Variants in RORA observed in about 807,000 individuals in gnomAD.
RORA encodes the protein nuclear receptor ROR-alpha.
Under a neutral mutation model 69.5 loss-of-function variants are expected in RORA, and 7 were observed. That is an observed-to-expected ratio of 0.10 (90% CI 0.06 to 0.19). The LOEUF (loss-of-function observed/expected upper bound fraction) is 0.19. Ranked by LOEUF, RORA falls within the 10% of genes least tolerant of loss-of-function variation. The pLI is 1.00. For synonymous variants in RORA, 261 were observed against 240.8 expected, an observed-to-expected ratio of 1.08 and a Z score of -0.78; for missense variants, 457 against 663.0, an observed-to-expected ratio of 0.69 and a Z score of 3.41.
Position 60,528,907 on chromosome 15 carries a change from C to G in RORA, c.282+2859G>C, listed in dbSNP as rs576324477. ...GAGCTGGGATTTCAACTCGGGCAGT[C>G]TGGTTCCAGAGTCAGAGCAGAAGCA... On this transcript the variant is annotated intron_variant, in intron 3 of 10. Transcript: ENST00000335670. 10 of 152,320 alleles carry G rather than the reference C, an allele frequency of 6.6e-5. No homozygotes were observed. The East Asian group carries it at 1.9e-3, about 29-fold the overall frequency. The allele number at this position is 152,320 out of a possible 1,614,324, so 9.4% of individuals were successfully genotyped here.
chr15:60,709,014 C>G (rs1362160855), intron 1 of RORA, among the ~76,000 whole-genome samples: 2 of 152,150 alleles, frequency 1.3e-5, no homozygotes, highest in African/African-American at 2.4e-5. Context: ...CATTCCTATC[C>G]TAGGGAAGCT....
intron 1 of RORA, among the ~76,000 whole-genome samples, chr15:61,089,457 T>C (rs574310982): frequency 3.9e-5 from 6 of 152,212 alleles, no homozygotes; most frequent in African/African-American, 1.4e-4. Flanking sequence ...CAAACATGCA[T>C]ATATATACAC....
chr15:60,599,171 T>A (rs58966091), intron 2 of RORA, among the ~76,000 whole-genome samples: 22,661 of 152,210 alleles, frequency 0.15, 1,937 homozygotes, highest in East Asian at 0.31. Context: ...ATGAAGGATA[T>A]TTGAGCTAGA....
chr15:61,015,590 T>C (rs1019794678), intron 1 of RORA, among the ~76,000 whole-genome samples: 1 of 152,202 alleles, frequency 6.6e-6, no homozygotes, highest in Non-Finnish European at 1.5e-5. Flanking sequence ...AGACGCTGTA[T>C]TGAGAAGCGT....
At chr15:61,022,702 A>G (rs1319270493) in intron 1 of RORA, among the ~76,000 whole-genome samples, 1 of 152,204 alleles carries the variant, frequency 6.6e-6, no homozygotes, top group Non-Finnish European at 1.5e-5. Context: ...CAAAGAGTGT[A>G]CAGATTTAAG....
intron 1 of RORA, among the ~76,000 whole-genome samples, chr15:60,798,193 C>T (rs561778052): frequency 4.0e-5 from 6 of 150,144 alleles, no homozygotes; most frequent in Admixed American, 2.0e-4. Flanking sequence ...AAGCTTTCCT[C>T]CACCCCTTCC....
At chr15:60,985,934 T>C (rs191338392) in intron 1 of RORA, among the ~76,000 whole-genome samples, 130 of 152,276 alleles carry the variant, frequency 8.5e-4, no homozygotes, top group South Asian at 2.7e-3. Flanking sequence ...TATCTGAAGA[T>C]TTAAATTAAA....
At chr15:61,007,763 T>C (rs1290339753) in intron 1 of RORA, among the ~76,000 whole-genome samples, 1 of 148,256 alleles carries the variant, frequency 6.7e-6, no homozygotes, top group East Asian at 2.0e-4. Context: ...TTATATATTA[T>C]ATATAACATT....
At chr15:60,941,078 T>C (rs553172689) in intron 1 of RORA, among the ~76,000 whole-genome samples, 8 of 152,316 alleles carry the variant, frequency 5.3e-5, no homozygotes, top group Non-Finnish European at 8.8e-5. Context: ...TTATACTCAT[T>C]AGACAAAATC....
chr15:60,786,035 A>T (rs912314433), intron 1 of RORA, among the ~76,000 whole-genome samples: 2 of 152,210 alleles, frequency 1.3e-5, no homozygotes, highest in African/African-American at 4.8e-5. Flanking sequence ...AAATAACTTC[A>T]CCAAAATCTT....
intron 1 of RORA, chr15:60,681,654 G>A (rs1047946931): frequency 6.6e-6 from 1 of 152,194 alleles, no homozygotes; most frequent in African/African-American, 2.4e-5. Flanking sequence ...GCCTGGGTTT[G>A]TTACCAGCAG....
At chr15:60,820,382 C>T (rs1246887398) in intron 1 of RORA, among the ~76,000 whole-genome samples, 1 of 152,118 alleles carries the variant, frequency 6.6e-6, no homozygotes, top group Non-Finnish European at 1.5e-5. Context: ...AAGGAAGAGA[C>T]AGGAAAATCC....
chr15:60,510,962 A>G (rs1477419068), intron 5 of RORA, among the ~76,000 whole-genome samples: 1 of 152,106 alleles, frequency 6.6e-6, no homozygotes, highest in Non-Finnish European at 1.5e-5. Flanking sequence ...CATTTCCTGA[A>G]CTTACAGTTT....
intron 2 of RORA, among the ~76,000 whole-genome samples, chr15:60,657,381 C>T (rs570243402): frequency 4.1e-4 from 62 of 152,276 alleles, no homozygotes; most frequent in African/African-American, 1.3e-3. Context: ...CAACTGCCGA[C>T]GCAGAATCCA....
Position 60,794,209 on chromosome 15 carries a change from C to T in RORA, c.167-115523G>A, listed in dbSNP as rs373123977. 1.1e-4 allele frequency among the ~76,000 whole-genome samples: 16 copies of T among 152,284 alleles called. No homozygotes were observed. The East Asian group carries it at 1.9e-3, about 18-fold the overall frequency. On this transcript the variant is annotated intron_variant, in intron 1 of 10. Transcript: ENST00000335670. ...ATACTGGCATAAATGAAATAAAGGT[C>T]TGACTAAAACAGAAAATCTCAAAGC...
intron 1 of RORA, among the ~76,000 whole-genome samples, chr15:60,800,351 G>C (rs550375510): frequency 7.2e-5 from 11 of 152,290 alleles, no homozygotes; most frequent in African/African-American, 2.6e-4. Flanking sequence ...TCCACAACAG[G>C]ATGACATGCC....
At chr15:60,804,237 G>T (rs907560888) in intron 1 of RORA, among the ~76,000 whole-genome samples, 4 of 133,154 alleles carry the variant, frequency 3.0e-5, no homozygotes, top group Non-Finnish European at 6.2e-5. Context: ...GCAGTTAGCC[G>T]AGATCACACC....
intron 1 of RORA, among the ~76,000 whole-genome samples, chr15:61,154,732 T>C (rs2079427682): frequency 6.6e-6 from 1 of 152,204 alleles, no homozygotes; most frequent in Non-Finnish European, 1.5e-5. Context: ...ATGGTGGTCT[T>C]AGAGCTAGGG....
chr15:60,612,312 G>A (rs2069109362), intron 2 of RORA, among the ~76,000 whole-genome samples: 1 of 151,980 alleles, frequency 6.6e-6, no homozygotes, highest in Non-Finnish European at 1.5e-5. Context: ...ATTAAAGCTG[G>A]TATACCAATT....
Sources: gnomAD v4.1 joint callset for allele counts (sites outside exome capture counted in the v4.1 genomes callset) on GRCh38, gnomAD v4.1.1 for gene constraint, MANE v1.5 for transcripts, NCBI Gene and HGNC (gene_info 2026-07-23, HGNC 2026-07-21) for gene names.